The following ANKFN1 variants were observed in gnomAD, a reference collection of about 807,000 sequenced individuals.
ANKFN1 encodes the protein ankyrin repeat and fibronectin type III domain containing 1, also known as ankyrin repeat and fibronectin type-III domain-containing protein 1.
ANKFN1 carries 74 observed loss-of-function variants against 108.7 expected under a neutral mutation model. The ratio of observed to expected loss-of-function variants is 0.68; its 90% CI spans 0.56 to 0.83. ANKFN1 has a LOEUF of 0.83. Among genes scored for constraint, ANKFN1 ranks in the 40% least tolerant of loss-of-function variants. The pLI is 0.00. For synonymous variants in ANKFN1, 547 were observed against 516.2 expected (o/e 1.06, Z -0.81); for missense variants, 1,505 against 1,382.3 (o/e 1.09, Z -1.41).
chr17:56,441,223 A>G (rs1568003852), intron 9 of ANKFN1, among the ~76,000 whole-genome samples: 1 of 152,204 alleles, frequency 6.6e-6, no homozygotes, highest in Admixed American at 6.5e-5. Flanking sequence ...GTCCAATTCA[A>G]ATATTTAATA....
intron 8 of ANKFN1, among the ~76,000 whole-genome samples, chr17:56,389,378 G>T (rs7213782): frequency 6.6e-6 from 1 of 152,158 alleles, no homozygotes; most frequent in Non-Finnish European, 1.5e-5. Context: ...ACAGATTAGC[G>T]GTTGCCAAGA....
chr17:56,229,252 A>G (rs1916521685), intron 3 of ANKFN1, among the ~76,000 whole-genome samples: 1 of 152,122 alleles, frequency 6.6e-6, no homozygotes, highest in Non-Finnish European at 1.5e-5. Context: ...GCATGCTATG[A>G]ATGTTTTAAG....
chr17:56,400,970 C>T (rs971589594), intron 8 of ANKFN1, among the ~76,000 whole-genome samples: 56 of 152,172 alleles, frequency 3.7e-4, no homozygotes, highest in Admixed American at 1.4e-3. Flanking sequence ...GCGAGTACCA[C>T]GCTGTTTTGG....
intron 4 of ANKFN1, among the ~76,000 whole-genome samples, chr17:56,065,852 G>T (rs999065563): frequency 7.9e-5 from 12 of 152,214 alleles, no homozygotes; most frequent in African/African-American, 2.9e-4. Context: ...TTACTAAAAT[G>T]TGGCACAGAG....
At chr17:56,436,134 G>GCC (rs1452129766) in intron 8 of ANKFN1, among the ~76,000 whole-genome samples, 2 of 152,000 alleles carry the variant, frequency 1.3e-5, no homozygotes, top group Non-Finnish European at 2.9e-5. Flanking sequence ...GAACTTCCCT[G>GCC]CCCAAATGAC....
At position 56,409,307 on chromosome 17, in the gene ANKFN1, T is replaced by C. The variant is rs560906523; in HGVS notation, c.911-31020T>C. Among the ~76,000 whole-genome samples the C allele has an allele frequency of 1.4e-4, 21 of 152,278 alleles. 1 individual carries two copies. Among genetic ancestry groups the C allele is most frequent in the Non-Finnish European group, 1.3e-4 (9 of 68,016 alleles). On this transcript the variant is annotated intron_variant, in intron 8 of 20. Transcript: ENST00000682825. ...GAAAGGAGCTGACTTTCAGTAATCT[T>C]AAAATCTCATCCTGGGACTGTTTGC...
chr17:56,206,317 T>C (rs1914531136), intron 1 of ANKFN1, among the ~76,000 whole-genome samples: 1 of 152,218 alleles, frequency 6.6e-6, no homozygotes, highest in African/African-American at 2.4e-5. Flanking sequence ...TCCAAGTAAT[T>C]ACAACTGTTC....
At chr17:56,279,665 G>A (rs933946037) in intron 3 of ANKFN1, among the ~76,000 whole-genome samples, 1 of 152,192 alleles carries the variant, frequency 6.6e-6, no homozygotes, top group Non-Finnish European at 1.5e-5. Context: ...AACACAAAGA[G>A]CTAGATGACA....
intron 4 of ANKFN1, among the ~76,000 whole-genome samples, chr17:56,061,702 A>C (rs1245544388): frequency 7.0e-6 from 1 of 142,656 alleles, no homozygotes; most frequent in Non-Finnish European, 1.5e-5. Flanking sequence ...TAAATTGTTC[A>C]AAAAACACCT....
At chr17:56,178,092 G>A (rs1911339638) in intron 1 of ANKFN1, among the ~76,000 whole-genome samples, 1 of 152,126 alleles carries the variant, frequency 6.6e-6, no homozygotes, top group African/African-American at 2.4e-5. Context: ...TCCCTTGGAA[G>A]TCCATACCAA....
At chr17:56,055,883 ATCTG>A (rs1342752146) in intron 4 of ANKFN1, among the ~76,000 whole-genome samples, 1 of 151,796 alleles carries the variant, frequency 6.6e-6, no homozygotes, top group Admixed American at 6.6e-5. Flanking sequence ...CCACATCAAC[ATCTG>A]TAGCTTTTAG....
intron 4 of ANKFN1, among the ~76,000 whole-genome samples, chr17:56,134,508 C>T (rs574983322): frequency 6.6e-6 from 1 of 152,262 alleles, no homozygotes; most frequent in Non-Finnish European, 1.5e-5. Context: ...AAAGATGCTT[C>T]TGTCACCCAG....
chr17:56,219,115 G>T (rs1915657900), intron 2 of ANKFN1, among the ~76,000 whole-genome samples: 1 of 151,942 alleles, frequency 6.6e-6, no homozygotes, highest in South Asian at 2.1e-4. Context: ...CCAATACCTA[G>T]AACACATTTT....
At chr17:56,255,016 G>C (rs1198621876) in intron 3 of ANKFN1, among the ~76,000 whole-genome samples, 1 of 152,144 alleles carries the variant, frequency 6.6e-6, no homozygotes, top group African/African-American at 2.4e-5. Flanking sequence ...TGTCAGAGAA[G>C]GTCCAAAAGA....
chr17:56,287,873 A>G (rs2044257958), intron 3 of ANKFN1, among the ~76,000 whole-genome samples: 1 of 152,146 alleles, frequency 6.6e-6, no homozygotes, highest in Non-Finnish European at 1.5e-5. Flanking sequence ...GCTTTGTTAC[A>G]CAGTGTGGGG....
At chr17:56,449,024 G>GT in intron 10 of ANKFN1, 55 bp from the exon 11 acceptor site, 1 of 1,505,576 alleles carries the variant, frequency 6.6e-7, no homozygotes, top group Non-Finnish European at 9.2e-7. Flanking sequence ...GCAGGGCAAG[G>GT]AAGAGGCCTC....
intron 4 of ANKFN1, among the ~76,000 whole-genome samples, chr17:56,076,914 T>C (rs1905188421): frequency 6.6e-6 from 1 of 152,240 alleles, no homozygotes. Context: ...ATCAGTCTTA[T>C]GATAGATTTG....
At chr17:56,382,205 C>T (rs2047126718) in intron 8 of ANKFN1, among the ~76,000 whole-genome samples, 1 of 152,136 alleles carries the variant, frequency 6.6e-6, no homozygotes, top group Admixed American at 6.5e-5. Context: ...AATTTTCAAG[C>T]CAGAATTTCA....
rs1459279840 is a variant in ANKFN1, at chr17:56,212,601, C to G, written c.-67C>G. 8.6e-5 allele frequency among the ~76,000 whole-genome samples: 13 copies of G among 151,960 alleles called. No homozygotes were observed. Among genetic ancestry groups the G allele is most frequent in the Non-Finnish European group, 1.9e-4 (13 of 68,016 alleles). On this transcript the variant is annotated 5_prime_UTR_variant, in exon 2 of 21. Transcript: ENST00000682825. ...CTCTTTCTCTCTTTTGGAATAGTGC[C>G]AATAGGATAAGAAATAAGCTGTATG...
Sources: gnomAD v4.1 joint callset for allele counts (sites outside exome capture counted in the v4.1 genomes callset) on GRCh38, gnomAD v4.1.1 for gene constraint, MANE v1.5 for transcripts, NCBI Gene and HGNC (gene_info 2026-07-23, HGNC 2026-07-21) for gene names.